Variants in TRIM38 observed in about 807,000 individuals in gnomAD.
TRIM38 encodes E3 ubiquitin-protein ligase TRIM38.
TRIM38 carries 35 observed loss-of-function variants against 35.8 expected under a neutral mutation model. The observed-to-expected ratio is 0.98, with a 90% CI of 0.75 to 1.30. The LOEUF (loss-of-function observed/expected upper bound fraction) is 1.30, where lower values mean the gene tolerates loss of function less well. Ranked by LOEUF, TRIM38 falls within the 50% of genes most tolerant of loss-of-function variation. TRIM38 has a pLI of 0.00. For missense variants in TRIM38, 545 were observed against 556.9 expected, an observed-to-expected ratio of 0.98 and a Z score of 0.21; for synonymous variants, 198 against 204.7, an observed-to-expected ratio of 0.97 and a Z score of 0.28.
At chr6:25,979,665 T>C (rs961788214) in intron 7 of TRIM38, among the ~76,000 whole-genome samples, 5 of 151,834 alleles carry the variant, frequency 3.3e-5, no homozygotes, top group African/African-American at 1.2e-4. Flanking sequence ...GTTTTTCCTC[T>C]TTATTGCATT....
intron 4 of TRIM38, 79 bp downstream of exon 4, chr6:25,969,499 A>G (rs1167792905): frequency 8.2e-7 from 1 of 1,215,490 alleles, no homozygotes; most frequent in Non-Finnish European, 1.2e-6. Flanking sequence ...GGAAAAGCAC[A>G]ATGAGGATTT....
rs1216795613 is a variant in TRIM38, at chr6:25,967,549, TTCC to T, written c.411+618_411+620del. Among the ~76,000 whole-genome samples the T allele has an allele frequency of 6.0e-4, 30 of 49,662 alleles. 1 individual carries two copies. The highest frequency in any genetic ancestry group is 8.0e-4 in the African/African-American group (10 of 12,456). 32.6% of individuals were successfully genotyped at this position (49,662 alleles called of 152,430 possible). A position where few individuals can be genotyped will look rare whatever the true frequency, so the allele number is the denominator to read the frequency against. On this transcript the variant is annotated intron_variant, in intron 3 of 7. Transcript: ENST00000357085. Reference sequence around the variant, plus strand: ...CTTTTTTTTTTTTTTTTTTTTTTTTTTCCTGAGGTAGGGTCTTGCTCTGTATCC... The same window carrying T: ...CTTTTTTTTTTTTTTTTTTTTTTTTTTGAGGTAGGGTCTTGCTCTGTATCC...
intron 3 of TRIM38, among the ~76,000 whole-genome samples, chr6:25,967,515 G>A (rs1432203243): frequency 7.0e-6 from 1 of 142,566 alleles, no homozygotes; most frequent in Middle Eastern, 3.5e-3. Context: ...TATCACTCTG[G>A]TACCTCTACT....
chr6:25,979,647 T>TG (rs1282025360), intron 7 of TRIM38, among the ~76,000 whole-genome samples: 35 of 151,876 alleles, frequency 2.3e-4, no homozygotes, highest in African/African-American at 8.0e-4. Flanking sequence ...CTACCTTTTT[T>TG]TTTGTTTGTT....
chr6:25,985,312 A>C lies in TRIM38; in HGVS notation c.*1625A>C, dbSNP rs1381869708. 2 of 150,506 alleles carry C rather than the reference A, an allele frequency of 1.3e-5. No individual in the cohort carries two copies. The highest frequency in any genetic ancestry group is 4.9e-5 in the African/African-American group (2 of 40,854). 9.3% of individuals were successfully genotyped at this position (150,506 alleles called of 1,614,324 possible). The stretch of plus-strand genomic sequence containing the variant: ...TTTTTTTAAAAAAAAAAAAAAAAAA[A>C]GGGAAAGAAAAAGTTGCCTTCCCAC... On this transcript the variant is annotated 3_prime_UTR_variant, in exon 8 of 8. Coordinates refer to ENST00000357085, the MANE Select transcript of TRIM38 (RefSeq NM_006355.5).
At chr6:25,975,035 C>CTTTTTTTT (rs3035351) in intron 7 of TRIM38, 1 of 653,490 alleles carries the variant, frequency 1.5e-6, no homozygotes, top group Non-Finnish European at 1.9e-6. Flanking sequence ...TTCTTTCTTT[C>CTTTTTTTT]TTTTTTTTTT....
chr6:25,974,270 T>TTATTTCTGGC (rs1195562842), intron 7 of TRIM38, among the ~76,000 whole-genome samples: 9 of 152,132 alleles, frequency 5.9e-5, no homozygotes, highest in African/African-American at 1.9e-4. Context: ...TTGGCCCTGG[T>TTATTTCTGGC]TATTTCTGGC....
At chr6:25,980,423 C>CTTT (rs1228527323) in intron 7 of TRIM38, among the ~76,000 whole-genome samples, 1 of 140,600 alleles carries the variant, frequency 7.1e-6, no homozygotes, top group Non-Finnish European at 1.6e-5. Flanking sequence ...TTCATTCTTT[C>CTTT]TTTTTTTTTT....
chr6:25,968,536 C>A (rs1274234816), intron 3 of TRIM38, among the ~76,000 whole-genome samples: 1 of 152,166 alleles, frequency 6.6e-6, no homozygotes. Flanking sequence ...ATAGTAAGGA[C>A]AATGTCATCT....
rs545005073 is a variant in TRIM38 at position 25,985,416 on chromosome 6, T to C, written c.*1729T>C. ...AATGTATTCTTTTCTTAAAATGCTA[T>C]ATAAGCCCAAGTTCTAAATCCTCTT... On this transcript the variant is annotated 3_prime_UTR_variant, in exon 8 of 8. Transcript: ENST00000357085. The C allele has an allele frequency of 5.0e-4, 76 of 152,308 alleles. No homozygotes were observed. Among genetic ancestry groups the C allele is most frequent in the African/African-American group, 1.7e-3 (69 of 41,574 alleles). 9.4% of individuals were successfully genotyped at this position (152,308 alleles called of 1,614,324 possible).
chr6:25,983,780 A>G lies in TRIM38; in HGVS notation c.*93A>G. The G allele has an allele frequency of 8.2e-7, 1 of 1,214,906 alleles. No individual in the cohort carries two copies. The allele number at this position is 1,214,906 out of a possible 1,614,324, so 75.3% of individuals were successfully genotyped here. A position where few individuals can be genotyped will look rare whatever the true frequency, so the allele number is the denominator to read the frequency against. ...CGTTTGGTCTGTTTTCTTCGCTGTC[A>G]TTTCCTTAGTAGTTAGACTAGTGCT... On this transcript the variant is annotated 3_prime_UTR_variant, in exon 8 of 8. Coordinates refer to ENST00000357085, the MANE Select transcript of TRIM38 (RefSeq NM_006355.5).
At position 25,989,426 on chromosome 6, in the gene TRIM38, G is replaced by A. The variant is rs992005707; in HGVS notation, c.*5739G>A. The A allele has an allele frequency of 1.3e-5, 2 of 151,484 alleles. No homozygotes were observed. Among genetic ancestry groups the A allele is most frequent in the Admixed American group, 6.6e-5 (1 of 15,208 alleles). The allele number at this position is 151,484 out of a possible 1,614,324, so 9.4% of individuals were successfully genotyped here. On this transcript the variant is annotated 3_prime_UTR_variant, in exon 8 of 8. Transcript: ENST00000357085. ...TATTAATTTGGCAATCTCATATCACGAGAGTACTCTAAAGCTAAATAAATT... is the reference window on the plus strand; with the variant it reads ...TATTAATTTGGCAATCTCATATCACAAGAGTACTCTAAAGCTAAATAAATT...
chr6:25,983,115 T>C, intron 7 of TRIM38, 49 bp from the exon 8 acceptor site: 1 of 1,515,526 alleles, frequency 6.6e-7, no homozygotes, highest in Non-Finnish European at 8.9e-7. Context: ...ATAACCTGTG[T>C]TCTTCACAGC....
At chr6:25,982,570 C>T (rs191137344) in intron 7 of TRIM38, among the ~76,000 whole-genome samples, 2 of 152,308 alleles carry the variant, frequency 1.3e-5, no homozygotes, top group Admixed American at 1.3e-4. Context: ...CCTGATCACC[C>T]CAACAACTAC....
chr6:25,985,050 T>TA lies in TRIM38; in HGVS notation c.*1365dup, dbSNP rs1019433052. ...AATTATGATGATAGAGGCTGGGTTG[T>TA]AAGTAGTAAGTGAAGGGTAGCAGAA... is the stretch of plus-strand genomic sequence containing the variant. On this transcript the variant is annotated 3_prime_UTR_variant, in exon 8 of 8. Coordinates refer to ENST00000357085, the MANE Select transcript of TRIM38 (RefSeq NM_006355.5). The TA allele has an allele frequency of 6.6e-6, 1 of 152,228 alleles. No homozygotes were observed. Among genetic ancestry groups the TA allele is most frequent in the African/African-American group, 2.4e-5 (1 of 41,406 alleles). The allele number at this position is 152,228 out of a possible 1,614,324, so 9.4% of individuals were successfully genotyped here.
At position 25,983,705 on chromosome 6, in the gene TRIM38, C is replaced by A; in HGVS notation, c.*18C>A. On this transcript the variant is annotated 3_prime_UTR_variant, in exon 8 of 8. Transcript: ENST00000357085. ...GTGACTAAGGAAAAGAGCAGAAGCTCCTTGGTTTAACCAGCACAGAGAAAA... is the reference window on the plus strand; with the variant it reads ...GTGACTAAGGAAAAGAGCAGAAGCTACTTGGTTTAACCAGCACAGAGAAAA... 1 of 1,550,150 alleles carries A rather than the reference C, an allele frequency of 6.5e-7. No individual in the cohort carries two copies. The highest frequency in any genetic ancestry group is 8.7e-7 in the Non-Finnish European group (1 of 1,154,328).
intron 7 of TRIM38, among the ~76,000 whole-genome samples, chr6:25,975,888 A>G (rs760527795): frequency 1.3e-5 from 2 of 152,192 alleles, no homozygotes; most frequent in Non-Finnish European, 2.9e-5. Context: ...GCATCCTTAT[A>G]TCCTGGTGCT....
chr6:25,983,781 T>A lies in TRIM38; in HGVS notation c.*94T>A. On this transcript the variant is annotated 3_prime_UTR_variant, in exon 8 of 8. Transcript: ENST00000357085. Reference sequence around the variant, plus strand: ...GTTTGGTCTGTTTTCTTCGCTGTCATTTCCTTAGTAGTTAGACTAGTGCTG... The same window carrying A: ...GTTTGGTCTGTTTTCTTCGCTGTCAATTCCTTAGTAGTTAGACTAGTGCTG... 8.3e-7 allele frequency: 1 copy of A among 1,208,762 alleles called. No individual in the cohort carries two copies. The highest frequency in any genetic ancestry group is 1.5e-5 in the South Asian group (1 of 64,982). 74.9% of individuals were successfully genotyped at this position (1,208,762 alleles called of 1,614,324 possible). A position where few individuals can be genotyped will look rare whatever the true frequency, so the allele number is the denominator to read the frequency against.
At chr6:25,973,451 A>G (rs1040924080) in intron 7 of TRIM38, 166 bp downstream of exon 7, 1 of 985,454 alleles carries the variant, frequency 1.0e-6, no homozygotes, top group Non-Finnish European at 1.2e-6. Flanking sequence ...TGCTCAGTGA[A>G]TGTGATGAGC....
Sources: allele counts gnomAD v4.1 joint callset (sites outside exome capture counted in the v4.1 genomes callset), GRCh38; gene constraint gnomAD v4.1.1; transcripts MANE v1.5; gene names NCBI Gene and HGNC (gene_info 2026-07-23, HGNC 2026-07-21).